ARHGEF10: variants seen among roughly 807,000 people sequenced by gnomAD.
ARHGEF10 encodes Rho guanine nucleotide exchange factor 10.
ARHGEF10 carries 140 observed loss-of-function variants against 147.4 expected under a neutral mutation model. The ratio of observed to expected loss-of-function variants is 0.95; its 90% CI spans 0.83 to 1.09. The LOEUF (loss-of-function observed/expected upper bound fraction) is 1.09. Among genes scored for constraint, ARHGEF10 ranks in the 50% least tolerant of loss-of-function variants. The probability of loss-of-function intolerance (pLI) is 0.00; values close to 1 mark genes in which losing one functional copy is unlikely to be tolerated. For missense variants in ARHGEF10, 2,222 were observed against 1,752.7 expected (o/e 1.27, Z -4.78); for synonymous variants, 902 against 695.8 (o/e 1.30, Z -4.67).
chr8:1,953,928 C>T (rs1040596587), intron 28 of ARHGEF10, among the ~76,000 whole-genome samples: 2 of 152,184 alleles, frequency 1.3e-5, no homozygotes, highest in Non-Finnish European at 2.9e-5. Context: ...CCTCCCAGGC[C>T]GACCTGACGG....
rs970813870 is a variant in ARHGEF10 at position 1,948,822 on chromosome 8, C to T, written c.3397+3167C>T. ...CATTTCATGCTGTATTTAGACATTCCGGTGGGGGCATGCTCATACCGTGCT... is the reference window on the plus strand; with the variant it reads ...CATTTCATGCTGTATTTAGACATTCTGGTGGGGGCATGCTCATACCGTGCT... On this transcript the variant is annotated intron_variant, in intron 27 of 28. Transcript: ENST00000349830. This position sits in a 1 kb window ranked among gnomAD's most constrained non-coding sequence, Gnocchi z 4.9. Among the ~76,000 whole-genome samples the T allele has an allele frequency of 5.9e-5, 9 of 152,086 alleles. No individual in the cohort carries two copies. The highest frequency in any genetic ancestry group is 1.2e-4 in the African/African-American group (5 of 41,396).
intron 27 of ARHGEF10, among the ~76,000 whole-genome samples, chr8:1,946,854 C>G (rs1814635673): frequency 6.6e-6 from 1 of 152,144 alleles, no homozygotes; most frequent in Non-Finnish European, 1.5e-5. Flanking sequence ...CGCACTCCCA[C>G]TGGAGATGGG....
chr8:1,924,902 G>A (rs1040254613), intron 21 of ARHGEF10, among the ~76,000 whole-genome samples: 1 of 152,158 alleles, frequency 6.6e-6, no homozygotes, highest in Non-Finnish European at 1.5e-5. Flanking sequence ...ATGTTTTAAA[G>A]TTTCTCAGTA....
chr8:1,874,216 C>T (rs1450121334), intron 7 of ARHGEF10, among the ~76,000 whole-genome samples: 2 of 152,194 alleles, frequency 1.3e-5, no homozygotes, highest in African/African-American at 2.4e-5. Flanking sequence ...TGCTGGGGGT[C>T]ACAACAGCAA....
At chr8:1,943,205 A>G (rs1814251248) in intron 26 of ARHGEF10, among the ~76,000 whole-genome samples, 1 of 152,230 alleles carries the variant, frequency 6.6e-6, no homozygotes, top group Admixed American at 6.5e-5. Flanking sequence ...AAAGGGGCAC[A>G]GGCTTTTCTT....
chr8:1,934,553 AT>A (rs1483295867), intron 26 of ARHGEF10, among the ~76,000 whole-genome samples: 1 of 152,136 alleles, frequency 6.6e-6, no homozygotes, highest in Non-Finnish European at 1.5e-5. Context: ...CTTAGGGAAA[AT>A]TTGCATTTGA....
rs114858053 is a variant in ARHGEF10, at chr8:1,927,743, G to A, written c.2698-684G>A. Among the ~76,000 whole-genome samples the A allele has an allele frequency of 4.8e-3, 727 of 152,176 alleles. 6 individuals are homozygous for A. The highest frequency in any genetic ancestry group is 0.017 in the African/African-American group (687 of 41,530). The stretch of plus-strand genomic sequence containing the variant: ...GCCTGGCCAAACATAGTGAAACCCC[G>A]TCTGTACTTTCACATAGTGAAACCC... On this transcript the variant is annotated intron_variant, in intron 23 of 28. Coordinates refer to ENST00000349830, the MANE Select transcript of ARHGEF10 (RefSeq NM_014629.4).
chr8:1,873,907 G>A (rs1415444593), intron 7 of ARHGEF10, among the ~76,000 whole-genome samples: 1 of 151,914 alleles, frequency 6.6e-6, no homozygotes, highest in African/African-American at 2.4e-5. Flanking sequence ...ATTCCTTTCG[G>A]TCAGTTCAGC....
intron 2 of ARHGEF10, among the ~76,000 whole-genome samples, chr8:1,857,467 T>C (rs1805638100): frequency 6.6e-6 from 1 of 151,514 alleles, no homozygotes; most frequent in African/African-American, 2.4e-5. Flanking sequence ...TCACCCAGGC[T>C]GGAGTGCAAT....
At chr8:1,888,968 G>A (rs1732398875) in intron 11 of ARHGEF10, among the ~76,000 whole-genome samples, 1 of 103,134 alleles carries the variant, frequency 9.7e-6, no homozygotes, top group Non-Finnish European at 2.0e-5. Flanking sequence ...TGAGGGGTCT[G>A]CGAGGAGACA....
intron 2 of ARHGEF10, among the ~76,000 whole-genome samples, chr8:1,855,031 T>A (rs74805768): frequency 1.3e-5 from 2 of 152,078 alleles, no homozygotes; most frequent in Non-Finnish European, 2.9e-5. Flanking sequence ...CAGGGCTGTT[T>A]CCTGCACACA....
intron 18 of ARHGEF10, among the ~76,000 whole-genome samples, chr8:1,922,352 G>C (rs1812360148): frequency 6.6e-6 from 1 of 151,920 alleles, no homozygotes; most frequent in African/African-American, 2.4e-5. Flanking sequence ...ATGTGGTTCA[G>C]ATTAAATGTC....
chr8:1,880,670 C>T lies in ARHGEF10; in HGVS notation c.960+506C>T, dbSNP rs3779699. ...CCATAATTTTTAAGAGCGTCCAGGG[C>T]CCCTGAGACCGGAATGCTTGAGAAC... On this transcript the variant is annotated intron_variant, in intron 9 of 28. Coordinates refer to ENST00000349830, the MANE Select transcript of ARHGEF10 (RefSeq NM_014629.4). Among the ~76,000 whole-genome samples, 315 of 152,258 alleles carry T rather than the reference C, an allele frequency of 2.1e-3. 9 individuals are homozygous for T. The East Asian group carries it at 0.032, about 16-fold the overall frequency.
rs776696361 is a variant in ARHGEF10, at chr8:1,864,386, C to T, written c.495C>T (p.Val165=). Residue 165 remains valine (V), a synonymous_variant, in exon 5 of 29, where the codon GTC becomes GTT. Transcript: ENST00000349830. ...TSLDEEETPE[V]TEDRQPNSLS... Reference sequence around the variant, plus strand: ...CTTTCCCAGCAGAAACACCAGAAGTCACAGAAGATCGCCAGCCCAATTCTC... The same window carrying T: ...CTTTCCCAGCAGAAACACCAGAAGTTACAGAAGATCGCCAGCCCAATTCTC... 1.4e-5 allele frequency: 22 copies of T among 1,614,014 alleles called. No individual in the cohort carries two copies. The highest frequency in any genetic ancestry group is 1.7e-6 in the Non-Finnish European group (2 of 1,180,034).
intron 18 of ARHGEF10, among the ~76,000 whole-genome samples, chr8:1,922,632 C>A (rs1262129820): frequency 6.6e-6 from 1 of 152,110 alleles, no homozygotes; most frequent in Admixed American, 6.5e-5. Flanking sequence ...GGTTTGAAGA[C>A]GGTCTGTAGG....
chr8:1,907,056 T>G (rs1045352409), intron 17 of ARHGEF10, among the ~76,000 whole-genome samples: 4 of 152,164 alleles, frequency 2.6e-5, no homozygotes, highest in Admixed American at 2.6e-4. Flanking sequence ...CACTGCACCC[T>G]GCGTTGGAGA....
chr8:1,928,688 C>T, intron 24 of ARHGEF10, 38 bp downstream of exon 24: 2 of 1,608,248 alleles, frequency 1.2e-6, no homozygotes, highest in Non-Finnish European at 1.7e-6. Flanking sequence ...AATTAGCAAG[C>T]TCTGCCCATG....
rs1194778533 is a variant in ARHGEF10, at chr8:1,841,829, GGCCGCGACGGGAAC to G, written c.-47-1523_-47-1510del. 6.4e-3 allele frequency among the ~76,000 whole-genome samples: 626 copies of G among 97,796 alleles called. 36 individuals carry two copies. Among genetic ancestry groups the G allele is most frequent in the African/African-American group, 0.019 (560 of 29,176 alleles). 64.2% of individuals were successfully genotyped at this position (97,796 alleles called of 152,430 possible). A position where few individuals can be genotyped will look rare whatever the true frequency, so the allele number is the denominator to read the frequency against. On this transcript the variant is annotated intron_variant, in intron 1 of 28. Coordinates refer to ENST00000349830, the MANE Select transcript of ARHGEF10 (RefSeq NM_014629.4). ...GAACTGGGGCCGCGGCGGGAACTGG[GGCCGCGACGGGAAC>G]TGGGGCCGCGGCGGGAACTGGGGCC...
intron 1 of ARHGEF10, among the ~76,000 whole-genome samples, chr8:1,827,492 A>T (rs1246070140): frequency 6.6e-6 from 1 of 152,128 alleles, no homozygotes; most frequent in Non-Finnish European, 1.5e-5. Flanking sequence ...TATTTTTAGT[A>T]GACGGGTTTT....
Sources: gnomAD v4.1 joint callset for allele counts (sites outside exome capture counted in the v4.1 genomes callset) on GRCh38, gnomAD v4.1.1 for gene constraint, Gnocchi (gnomAD v3.1) non-coding constraint, MANE v1.5 for transcripts, NCBI Gene and HGNC (gene_info 2026-07-23, HGNC 2026-07-21) for gene names.